CNTNAP2: variants seen among roughly 807,000 people sequenced by gnomAD.
CNTNAP2 encodes contactin-associated protein-like 2.
A neutral mutation model predicts 155.2 loss-of-function variants in CNTNAP2; 98 were observed. The ratio of observed to expected loss-of-function variants is 0.63; its 90% CI spans 0.54 to 0.75. The LOEUF (loss-of-function observed/expected upper bound fraction) is 0.75, where lower values mean the gene tolerates loss of function less well. Among genes scored for constraint, CNTNAP2 ranks in the 30% least tolerant of loss-of-function variants. The probability of loss-of-function intolerance (pLI) is 0.00; values close to 1 mark genes in which losing one functional copy is unlikely to be tolerated. For synonymous variants in CNTNAP2, 651 were observed against 631.2 expected (o/e 1.03, Z -0.47); for missense variants, 1,727 against 1,688.1 (o/e 1.02, Z -0.40).
chr7:147,622,245 CA>C (rs773267805), intron 12 of CNTNAP2, among the ~76,000 whole-genome samples: 1 of 151,742 alleles, frequency 6.6e-6, no homozygotes, highest in Non-Finnish European at 1.5e-5. Context: ...AGGTAATAAA[CA>C]AAAAAACATC....
chr7:146,577,238 G>T (rs1247354002), intron 1 of CNTNAP2, among the ~76,000 whole-genome samples: 2 of 152,112 alleles, frequency 1.3e-5, no homozygotes, highest in African/African-American at 4.8e-5. Context: ...CAGGGGTAAA[G>T]AGGTAGGTAT....
At chr7:147,328,757 A>G (rs1289254286) in intron 9 of CNTNAP2, among the ~76,000 whole-genome samples, 1 of 152,128 alleles carries the variant, frequency 6.6e-6, no homozygotes, top group Non-Finnish European at 1.5e-5. Context: ...TGCATATACC[A>G]TTTGAAATAA....
chr7:147,378,173 T>A lies in CNTNAP2; in HGVS notation c.1499-17436T>A, dbSNP rs185029835. The A allele has an allele frequency of 1.7e-3, 517 of 303,916 alleles. 6 individuals carry two copies. Among genetic ancestry groups the A allele is most frequent in the African/African-American group, 0.011 (468 of 44,278 alleles). The allele number at this position is 303,916 out of a possible 1,614,324, so 18.8% of individuals were successfully genotyped here. A position where few individuals can be genotyped will look rare whatever the true frequency, so the allele number is the denominator to read the frequency against. The stretch of plus-strand genomic sequence containing the variant: ...TATATTTAATGTTTCTAAGTTTTTT[T>A]AAATTTCTGAATGACATTGTCGATA... On this transcript the variant is annotated intron_variant, in intron 9 of 23. Transcript: ENST00000361727.
At chr7:146,650,372 T>TA (rs1195905513) in intron 1 of CNTNAP2, among the ~76,000 whole-genome samples, 1 of 151,974 alleles carries the variant, frequency 6.6e-6, no homozygotes, top group Non-Finnish European at 1.5e-5. Flanking sequence ...CCATAAAAAA[T>TA]ATGAGTTCAT....
intron 11 of CNTNAP2, among the ~76,000 whole-genome samples, chr7:147,552,947 A>T (rs1013497236): frequency 1.3e-5 from 2 of 152,226 alleles, no homozygotes; most frequent in African/African-American, 4.8e-5. Flanking sequence ...AAGACACAGG[A>T]TAGGACAGTC....
At chr7:147,401,705 A>T (rs1796916542) in intron 10 of CNTNAP2, among the ~76,000 whole-genome samples, 1 of 152,128 alleles carries the variant, frequency 6.6e-6, no homozygotes, top group African/African-American at 2.4e-5. Flanking sequence ...TACCGTTCTC[A>T]TGATAGTGAG....
chr7:147,886,341 G>A (rs1343438781), intron 13 of CNTNAP2, among the ~76,000 whole-genome samples: 2 of 151,852 alleles, frequency 1.3e-5, no homozygotes, highest in South Asian at 4.2e-4. Flanking sequence ...CAGGTGTGGT[G>A]GCAGGCACCT....
At chr7:146,494,921 A>G (rs1797191722) in intron 1 of CNTNAP2, among the ~76,000 whole-genome samples, 1 of 152,218 alleles carries the variant, frequency 6.6e-6, no homozygotes, top group Admixed American at 6.5e-5. Flanking sequence ...CTATGTTTCC[A>G]TGGGCATTTA....
At chr7:147,603,944 C>A (rs1293462446) in intron 12 of CNTNAP2, among the ~76,000 whole-genome samples, 1 of 150,986 alleles carries the variant, frequency 6.6e-6, no homozygotes, top group Admixed American at 6.6e-5. Context: ...TGATCTTTGA[C>A]AAACCTGAGA....
chr7:147,895,874 C>A (rs1318787434), intron 13 of CNTNAP2, among the ~76,000 whole-genome samples: 1 of 152,174 alleles, frequency 6.6e-6, no homozygotes, highest in East Asian at 1.9e-4. Context: ...ACCAAATTAG[C>A]CAATGCTAAT....
intron 3 of CNTNAP2, among the ~76,000 whole-genome samples, chr7:146,884,380 T>A (rs1272684181): frequency 6.6e-6 from 1 of 152,148 alleles, no homozygotes; most frequent in Non-Finnish European, 1.5e-5. Flanking sequence ...GAAGAATAAA[T>A]TTGACAGGTA....
At chr7:147,137,024 T>C (rs1444652875) in intron 8 of CNTNAP2, among the ~76,000 whole-genome samples, 2 of 151,898 alleles carry the variant, frequency 1.3e-5, no homozygotes, top group Non-Finnish European at 1.5e-5. Context: ...CCATATTTAT[T>C]AGAAGCCTTA....
intron 1 of CNTNAP2, among the ~76,000 whole-genome samples, chr7:146,746,064 A>G (rs1801805243): frequency 6.6e-6 from 1 of 152,208 alleles, no homozygotes; most frequent in African/African-American, 2.4e-5. Flanking sequence ...TCAATAAAAG[A>G]GTGTTCCATC....
chr7:146,578,551 T>C (rs1798560776), intron 1 of CNTNAP2, among the ~76,000 whole-genome samples: 1 of 152,174 alleles, frequency 6.6e-6, no homozygotes, highest in African/African-American at 2.4e-5. Context: ...CCGTAAGAGG[T>C]TACAGTACAT....
At chr7:148,374,516 G>C (rs73470146) in intron 21 of CNTNAP2, among the ~76,000 whole-genome samples, 3,704 of 152,220 alleles carry the variant, frequency 0.024, 158 homozygotes, top group African/African-American at 0.085. Context: ...CAGTGGCTTG[G>C]AGAGGAATTA....
intron 1 of CNTNAP2, among the ~76,000 whole-genome samples, chr7:146,241,120 A>G (rs1303002424): frequency 6.6e-6 from 1 of 152,124 alleles, no homozygotes; most frequent in African/African-American, 2.4e-5. Context: ...TGAGAAAACT[A>G]CCCACATGAT....
At chr7:147,023,039 C>G (rs1330333264) in intron 3 of CNTNAP2, among the ~76,000 whole-genome samples, 1 of 152,022 alleles carries the variant, frequency 6.6e-6, no homozygotes, top group African/African-American at 2.4e-5. Context: ...TTGTCATAGG[C>G]CTGCCTTTTG....
At chr7:147,502,140 A>G (rs768549711) in intron 11 of CNTNAP2, among the ~76,000 whole-genome samples, 1 of 152,202 alleles carries the variant, frequency 6.6e-6, no homozygotes, top group Non-Finnish European at 1.5e-5. Context: ...TCCCACTAAA[A>G]TATCCTTATC....
intron 15 of CNTNAP2, among the ~76,000 whole-genome samples, chr7:147,983,632 A>G (rs1801570440): frequency 6.6e-6 from 1 of 152,250 alleles, no homozygotes; most frequent in Admixed American, 6.5e-5. Flanking sequence ...TATGTGAGGT[A>G]TACATTGGTT....
Sources: gnomAD v4.1 joint callset for allele counts (sites outside exome capture counted in the v4.1 genomes callset) on GRCh38, gnomAD v4.1.1 for gene constraint, MANE v1.5 for transcripts, NCBI Gene and HGNC (gene_info 2026-07-23, HGNC 2026-07-21) for gene names.